Variants in CWC27 observed in about 807,000 individuals in gnomAD.
The protein encoded by CWC27 is spliceosome-associated protein CWC27 homolog.
In CWC27, 47 loss-of-function variants were observed where a neutral mutation model predicts 63.6. The ratio of observed to expected loss-of-function variants is 0.74; its 90% CI spans 0.58 to 0.94. The LOEUF (loss-of-function observed/expected upper bound fraction) is 0.94, where lower values mean the gene tolerates loss of function less well. Ranked by LOEUF, CWC27 falls within the 40% of genes least tolerant of loss-of-function variation. The pLI, the probability that CWC27 is intolerant of heterozygous loss-of-function variation, is 0.00. For synonymous variants in CWC27, 175 were observed against 179.8 expected, an observed-to-expected ratio of 0.97 and a Z score of 0.22; for missense variants, 495 against 554.3, an observed-to-expected ratio of 0.89 and a Z score of 1.07.
At chr5:64,857,252 A>T (rs926864713) in intron 10 of CWC27, among the ~76,000 whole-genome samples, 14 of 152,192 alleles carry the variant, frequency 9.2e-5, no homozygotes, top group Non-Finnish European at 1.8e-4. Flanking sequence ...TCACTGACTG[A>T]TGTTCTATCA....
At chr5:64,942,710 T>C (rs1748510183) in intron 11 of CWC27, among the ~76,000 whole-genome samples, 1 of 152,168 alleles carries the variant, frequency 6.6e-6, no homozygotes, top group South Asian at 2.1e-4. Context: ...ACATTGGCTT[T>C]CCACAGTCAA....
At chr5:64,998,371 C>A (rs1237782656) in intron 13 of CWC27, among the ~76,000 whole-genome samples, 1 of 152,038 alleles carries the variant, frequency 6.6e-6, no homozygotes, top group Non-Finnish European at 1.5e-5. Flanking sequence ...TGTAAGAATG[C>A]ATATTACAGA....
intron 7 of CWC27, among the ~76,000 whole-genome samples, chr5:64,797,536 G>A (rs879622667): frequency 3.3e-5 from 5 of 152,128 alleles, no homozygotes; most frequent in South Asian, 4.2e-4. Flanking sequence ...TTAAACACAG[G>A]TTCCTCCTAT....
intron 10 of CWC27, among the ~76,000 whole-genome samples, chr5:64,860,356 T>A (rs901807417): frequency 2.6e-5 from 4 of 152,090 alleles, no homozygotes; most frequent in Non-Finnish European, 5.9e-5. Flanking sequence ...ACACAAAACA[T>A]CTCTATCTGT....
intron 10 of CWC27, among the ~76,000 whole-genome samples, chr5:64,856,468 A>ATGTGTGTGTG (rs10640210): frequency 6.7e-5 from 10 of 149,696 alleles, no homozygotes; most frequent in South Asian, 2.1e-4. Context: ...GTGTGTGTGT[A>ATGTGTGTGTG]TGTGTGTGTG....
intron 2 of CWC27, among the ~76,000 whole-genome samples, chr5:64,777,477 A>G (rs1743498065): frequency 6.6e-6 from 1 of 152,140 alleles, no homozygotes; most frequent in Admixed American, 6.5e-5. Flanking sequence ...TAACTACTTT[A>G]AAGTGCAAGT....
chr5:64,927,850 T>C (rs1580731223), intron 11 of CWC27, among the ~76,000 whole-genome samples: 1 of 152,294 alleles, frequency 6.6e-6, no homozygotes, highest in South Asian at 2.1e-4. Context: ...TTAATGAAAT[T>C]GTTCTTTTAA....
intron 10 of CWC27, among the ~76,000 whole-genome samples, chr5:64,805,834 A>T (rs1258651902): frequency 1.3e-5 from 2 of 152,144 alleles, no homozygotes; most frequent in Non-Finnish European, 2.9e-5. Context: ...AAGAAAAGTC[A>T]AAGTTTGCAT....
chr5:64,922,142 G>A (rs1194104845), intron 11 of CWC27, among the ~76,000 whole-genome samples: 1 of 152,008 alleles, frequency 6.6e-6, no homozygotes, highest in African/African-American at 2.4e-5. Flanking sequence ...TTCTCACTGG[G>A]GTTCTCTGAA....
chr5:64,917,051 G>A (rs1444194856), intron 11 of CWC27, among the ~76,000 whole-genome samples: 1 of 152,070 alleles, frequency 6.6e-6, no homozygotes, highest in African/African-American at 2.4e-5. Flanking sequence ...TTTTTACCCT[G>A]AGCTGGCTAA....
intron 10 of CWC27, among the ~76,000 whole-genome samples, chr5:64,875,586 T>C (rs956191917): frequency 6.6e-6 from 1 of 152,158 alleles, no homozygotes; most frequent in Non-Finnish European, 1.5e-5. Context: ...AGCAATTCAC[T>C]TTGAAGCATT....
chr5:64,875,066 A>G (rs1441377202), intron 10 of CWC27, among the ~76,000 whole-genome samples: 8 of 149,274 alleles, frequency 5.4e-5, no homozygotes, highest in Non-Finnish European at 9.0e-5. Context: ...CTTGGTGCTT[A>G]GACAGAATAG....
chr5:64,882,558 A>C (rs567524737), intron 10 of CWC27, among the ~76,000 whole-genome samples: 1 of 152,282 alleles, frequency 6.6e-6, no homozygotes, highest in African/African-American at 2.4e-5. Flanking sequence ...GGATATATTA[A>C]GTATGTAAAA....
intron 10 of CWC27, among the ~76,000 whole-genome samples, chr5:64,813,831 A>C (rs1226676485): frequency 6.6e-6 from 1 of 152,212 alleles, no homozygotes; most frequent in African/African-American, 2.4e-5. Context: ...CCACTGAAGA[A>C]GTAAAGTTCT....
chr5:64,891,773 T>C (rs981572232), intron 11 of CWC27, among the ~76,000 whole-genome samples: 5 of 130,358 alleles, frequency 3.8e-5, no homozygotes, highest in African/African-American at 1.8e-4. Flanking sequence ...TGGGATACTT[T>C]GTTGTTGTTG....
intron 7 of CWC27, among the ~76,000 whole-genome samples, chr5:64,798,964 G>T (rs947100082): frequency 1.3e-5 from 2 of 152,184 alleles, no homozygotes; most frequent in Non-Finnish European, 2.9e-5. Context: ...GTAAGTTTGA[G>T]GTGTCCCACC....
intron 11 of CWC27, among the ~76,000 whole-genome samples, chr5:64,947,614 C>CT (rs1321111837): frequency 6.6e-6 from 1 of 152,042 alleles, no homozygotes; most frequent in African/African-American, 2.4e-5. Flanking sequence ...TAGTTATTAA[C>CT]AGAATTGGAT....
chr5:64,851,326 C>G (rs762597741), intron 10 of CWC27, among the ~76,000 whole-genome samples: 1 of 151,888 alleles, frequency 6.6e-6, no homozygotes, highest in Non-Finnish European at 1.5e-5. Flanking sequence ...TGTGTTCTCA[C>G]TTATATGTGG....
chr5:64,865,338 A>C (rs1746507586), intron 10 of CWC27, among the ~76,000 whole-genome samples: 1 of 152,066 alleles, frequency 6.6e-6, no homozygotes, highest in South Asian at 2.1e-4. Context: ...TCTTTTTCTA[A>C]GAATTGTGTG....
Sources: allele counts gnomAD v4.1 joint callset (sites outside exome capture counted in the v4.1 genomes callset), GRCh38; gene constraint gnomAD v4.1.1; transcripts MANE v1.5; gene names NCBI Gene and HGNC (gene_info 2026-07-23, HGNC 2026-07-21).